CSMD1: variants seen among roughly 807,000 people sequenced by gnomAD.
CSMD1 encodes CUB and sushi domain-containing protein 1.
A neutral mutation model predicts 417.5 loss-of-function variants in CSMD1; 213 were observed. The ratio of observed to expected loss-of-function variants is 0.51; its 90% CI spans 0.46 to 0.57. The LOEUF is 0.57. Ranked by LOEUF, CSMD1 falls within the 20% of genes least tolerant of loss-of-function variation. The probability of loss-of-function intolerance (pLI) is 0.00; values close to 1 mark genes in which losing one functional copy is unlikely to be tolerated. For synonymous variants in CSMD1, 2,862 were observed against 1,736.8 expected (o/e 1.65, Z -16.11); for missense variants, 6,923 against 4,529.7 (o/e 1.53, Z -15.17).
intron 8 of CSMD1, among the ~76,000 whole-genome samples, chr8:3,599,402 A>T (rs137887051): frequency 6.6e-6 from 1 of 152,038 alleles, no homozygotes; most frequent in African/African-American, 2.4e-5. Flanking sequence ...AGCATTATTC[A>T]CCACAATATA....
intron 3 of CSMD1, among the ~76,000 whole-genome samples, chr8:4,141,343 G>A (rs976621548): frequency 2.0e-5 from 3 of 151,214 alleles, no homozygotes; most frequent in African/African-American, 7.4e-5. Context: ...ACTGTTCAGA[G>A]AAGTATGCTC....
At chr8:3,823,621 A>G (rs968036513) in intron 5 of CSMD1, among the ~76,000 whole-genome samples, 30 of 152,134 alleles carry the variant, frequency 2.0e-4, no homozygotes, top group African/African-American at 7.0e-4. Context: ...ATCAAATAAC[A>G]TTTTTATAAA....
intron 45 of CSMD1, among the ~76,000 whole-genome samples, chr8:3,107,444 T>C (rs920133527): frequency 6.6e-6 from 1 of 151,932 alleles, no homozygotes; most frequent in African/African-American, 2.4e-5. Context: ...AACTACCAAA[T>C]GTTGTAGAGG....
intron 2 of CSMD1, among the ~76,000 whole-genome samples, chr8:4,467,289 G>T (rs1800240185): frequency 6.6e-6 from 1 of 152,062 alleles, no homozygotes; most frequent in Non-Finnish European, 1.5e-5. Context: ...ACCAATTCAT[G>T]GCAAGGAAAG....
At chr8:3,581,037 C>G (rs1800361736) in intron 9 of CSMD1, among the ~76,000 whole-genome samples, 2 of 152,182 alleles carry the variant, frequency 1.3e-5, no homozygotes, top group Non-Finnish European at 2.9e-5. Flanking sequence ...GGCAATAATA[C>G]TTTATTTCTC....
At chr8:3,827,676 C>A (rs141329121) in intron 5 of CSMD1, among the ~76,000 whole-genome samples, 2 of 152,138 alleles carry the variant, frequency 1.3e-5, no homozygotes, top group East Asian at 1.9e-4. Context: ...GTCAGATAAA[C>A]CCAATTTATT....
chr8:3,798,029 G>A (rs1334017706), intron 5 of CSMD1, among the ~76,000 whole-genome samples: 2 of 151,946 alleles, frequency 1.3e-5, no homozygotes, highest in Non-Finnish European at 2.9e-5. Context: ...CTTTTCAGGT[G>A]CTTTTTTGAC....
At chr8:3,080,510 C>T (rs1814010012) in intron 49 of CSMD1, among the ~76,000 whole-genome samples, 1 of 152,192 alleles carries the variant, frequency 6.6e-6, no homozygotes, top group Non-Finnish European at 1.5e-5. Context: ...TCCATCTTCT[C>T]ACTCACAGAC....
At chr8:4,195,498 CACATCTCTGTATGATCCCCTGCTCTTG>C (rs1799280642) in intron 3 of CSMD1, among the ~76,000 whole-genome samples, 1 of 152,256 alleles carries the variant, frequency 6.6e-6, no homozygotes, top group South Asian at 2.1e-4. Flanking sequence ...CTCTGTTGTT[CACATCTCTGTATGATCCCCTGCTCTTG>C]ACTGTGAGAA....
At chr8:3,074,817 C>A (rs1249168395) in intron 49 of CSMD1, among the ~76,000 whole-genome samples, 2 of 151,992 alleles carry the variant, frequency 1.3e-5, no homozygotes. Context: ...AGTGTGATAT[C>A]ATTCAATTGA....
At chr8:4,760,667 G>A (rs1008646333) in intron 1 of CSMD1, among the ~76,000 whole-genome samples, 1 of 152,020 alleles carries the variant, frequency 6.6e-6, no homozygotes, top group East Asian at 1.9e-4. Flanking sequence ...GTAACATTTT[G>A]TCTATTTCCT....
In CSMD1 at chr8:4,622,753, T is replaced by C. The variant is rs148633501; in HGVS notation, c.302+14589A>G. Among the ~76,000 whole-genome samples, 1,100 of 152,190 alleles carry C rather than the reference T, an allele frequency of 7.2e-3. 5 individuals are homozygous for C. Among genetic ancestry groups the C allele is most frequent in the South Asian group, 0.013 (64 of 4,822 alleles). On this transcript the variant is annotated intron_variant, in intron 2 of 69. Transcript: ENST00000635120. Reference sequence around the variant, plus strand: ...TCACTTTTACCACTTCCGTGCAACATTGTACTGAAGGAGCTGGGCATTTCA... The same window carrying C: ...TCACTTTTACCACTTCCGTGCAACACTGTACTGAAGGAGCTGGGCATTTCA...
At chr8:4,440,488 TCTC>T (rs1293855689) in intron 2 of CSMD1, among the ~76,000 whole-genome samples, 1 of 152,178 alleles carries the variant, frequency 6.6e-6, no homozygotes, top group Non-Finnish European at 1.5e-5. Flanking sequence ...CAGCAACTGT[TCTC>T]ATTTCCCTCT....
At chr8:3,851,205 T>C (rs1041129769) in intron 5 of CSMD1, among the ~76,000 whole-genome samples, 1 of 152,226 alleles carries the variant, frequency 6.6e-6, no homozygotes, top group Admixed American at 6.5e-5. Flanking sequence ...CTGCTCATTA[T>C]GCTAGAAGGT....
At chr8:3,407,874 G>A in intron 14 of CSMD1, 25 bp downstream of exon 14, 1 of 1,563,378 alleles carries the variant, frequency 6.4e-7, no homozygotes, top group Non-Finnish European at 8.7e-7. Flanking sequence ...GAACTTGGAT[G>A]TGTTGACTGT....
At position 3,885,425 on chromosome 8, in the gene CSMD1, G is replaced by C. The variant is rs112620834; in HGVS notation, c.818+112478C>G. Among the ~76,000 whole-genome samples, 11 of 152,216 alleles carry C rather than the reference G, an allele frequency of 7.2e-5. No individual in the cohort carries two copies. The East Asian group carries it at 1.9e-3, about 27-fold the overall frequency. ...TTATGAGGACAATATCCCATCACAG[G>C]ATGCTATCAATTATTTGAAAAAAGC... On this transcript the variant is annotated intron_variant, in intron 5 of 69. Coordinates refer to ENST00000635120, the MANE Select transcript of CSMD1 (RefSeq NM_033225.6).
chr8:4,976,053 A>G (rs1331138858), intron 1 of CSMD1, among the ~76,000 whole-genome samples: 2 of 152,208 alleles, frequency 1.3e-5, no homozygotes, highest in Non-Finnish European at 2.9e-5. Context: ...TAATTTCTTA[A>G]GCATAAGTGT....
chr8:3,058,260 C>T (rs1250669162), intron 49 of CSMD1, among the ~76,000 whole-genome samples: 3 of 152,002 alleles, frequency 2.0e-5, no homozygotes, highest in Non-Finnish European at 4.4e-5. Flanking sequence ...ATTAAATTAC[C>T]GTGTGCATTG....
intron 11 of CSMD1, among the ~76,000 whole-genome samples, chr8:3,488,946 T>A: frequency 6.6e-6 from 1 of 152,224 alleles, no homozygotes; most frequent in East Asian, 1.9e-4. Flanking sequence ...AAAATGTATT[T>A]AAGTCAATAT....
Sources: gnomAD v4.1 joint callset for allele counts (sites outside exome capture counted in the v4.1 genomes callset) on GRCh38, gnomAD v4.1.1 for gene constraint, MANE v1.5 for transcripts, NCBI Gene and HGNC (gene_info 2026-07-23, HGNC 2026-07-21) for gene names.